The following RBFOX1 variants were observed in gnomAD, a reference collection of about 807,000 sequenced individuals.
RBFOX1 encodes RNA binding protein fox-1 homolog 1.
Under a neutral mutation model 57.7 loss-of-function variants are expected in RBFOX1, and 8 were observed. That is an observed-to-expected ratio of 0.14 (90% CI 0.08 to 0.25). The LOEUF is 0.25. Among genes scored for constraint, RBFOX1 ranks in the 10% least tolerant of loss-of-function variants. RBFOX1 has a pLI of 1.00. For synonymous variants in RBFOX1, 326 were observed against 222.4 expected (o/e 1.47, Z -4.15); for missense variants, 611 against 548.5 (o/e 1.11, Z -1.14).
chr16:6,689,244 G>T (rs1232117601), intron 3 of RBFOX1, among the ~76,000 whole-genome samples: 1 of 152,106 alleles, frequency 6.6e-6, no homozygotes, highest in Admixed American at 6.5e-5. Context: ...GGAAGTGGTT[G>T]CAGGATCCTG....
intron 4 of RBFOX1, among the ~76,000 whole-genome samples, chr16:7,281,587 G>C (rs1463706691): frequency 6.6e-6 from 1 of 152,052 alleles, no homozygotes; most frequent in South Asian, 2.1e-4. Context: ...ACAATATCTG[G>C]TGTTGGAAGT....
At chr16:6,005,628 T>A (rs74582198) in intron 4 of RBFOX1, among the ~76,000 whole-genome samples, 3,500 of 152,316 alleles carry the variant, frequency 0.023, 51 homozygotes, top group Middle Eastern at 0.041. Flanking sequence ...ACCCACTGGA[T>A]ACCACAAGCA....
intron 2 of RBFOX1, among the ~76,000 whole-genome samples, chr16:5,556,106 C>G (rs1359320901): frequency 2.0e-5 from 3 of 152,206 alleles, no homozygotes; most frequent in South Asian, 2.1e-4. Flanking sequence ...TGATTTATGC[C>G]TAAGCCAGCG....
At chr16:5,366,922 G>A (rs1567396668) in intron 1 of RBFOX1, among the ~76,000 whole-genome samples, 2 of 152,144 alleles carry the variant, frequency 1.3e-5, no homozygotes, top group Non-Finnish European at 2.9e-5. Context: ...GTTATGACAG[G>A]ACATAGTAAT....
At chr16:6,226,614 A>G (rs2097420481) in intron 1 of RBFOX1, among the ~76,000 whole-genome samples, 1 of 152,174 alleles carries the variant, frequency 6.6e-6, no homozygotes, top group South Asian at 2.1e-4. Flanking sequence ...TATGAAAGTC[A>G]AAAGAATTAC....
chr16:6,908,298 C>T (rs528347774), intron 3 of RBFOX1, among the ~76,000 whole-genome samples: 1 of 151,688 alleles, frequency 6.6e-6, no homozygotes, highest in African/African-American at 2.4e-5. Flanking sequence ...GCCTGCACCC[C>T]CAGCCTCTGA....
intron 1 of RBFOX1, among the ~76,000 whole-genome samples, chr16:5,416,468 GTGA>G (rs1263666135): frequency 6.6e-6 from 1 of 152,154 alleles, no homozygotes; most frequent in African/African-American, 2.4e-5. Flanking sequence ...TTGGGCAGAA[GTGA>G]TGATTTCCAA....
At chr16:7,708,999 GT>G (rs2083400157) in intron 14 of RBFOX1, 56 bp from the exon 15 acceptor site, 1 of 1,508,464 alleles carries the variant, frequency 6.6e-7, no homozygotes, top group Non-Finnish European at 9.2e-7. Flanking sequence ...TTTTATGATT[GT>G]TATTGTTTTG....
At chr16:7,087,432 G>A (rs930537249) in intron 4 of RBFOX1, among the ~76,000 whole-genome samples, 3 of 151,984 alleles carry the variant, frequency 2.0e-5, no homozygotes, top group Non-Finnish European at 2.9e-5. Flanking sequence ...TTTTGTTTTC[G>A]CCACTGTGGC....
At chr16:7,033,781 A>T (rs1405045758) in intron 3 of RBFOX1, among the ~76,000 whole-genome samples, 2 of 152,106 alleles carry the variant, frequency 1.3e-5, no homozygotes, top group African/African-American at 4.8e-5. Context: ...CAGCCTGAGT[A>T]ACATAGCAAA....
At chr16:6,429,582 C>T (rs970581554) in intron 2 of RBFOX1, among the ~76,000 whole-genome samples, 1 of 152,146 alleles carries the variant, frequency 6.6e-6, no homozygotes, top group Non-Finnish European at 1.5e-5. Context: ...CCACCCAAAT[C>T]TCATTTTGAA....
At chr16:5,288,874 C>T (rs1166532974) in intron 1 of RBFOX1, among the ~76,000 whole-genome samples, 4 of 124,662 alleles carry the variant, frequency 3.2e-5, no homozygotes, top group African/African-American at 5.4e-5. Flanking sequence ...CACCTGTAAT[C>T]CCAGTACTTT....
chr16:7,007,690 T>C (rs986374001), intron 3 of RBFOX1, among the ~76,000 whole-genome samples: 1 of 152,204 alleles, frequency 6.6e-6, no homozygotes, highest in African/African-American at 2.4e-5. Context: ...ATTTTGCATG[T>C]ACTTTTGCTG....
At position 7,042,025 on chromosome 16, in the gene RBFOX1, C is replaced by T. The variant is rs557820155; in HGVS notation, c.-15-10032C>T. 2.9e-4 allele frequency among the ~76,000 whole-genome samples: 44 copies of T among 152,262 alleles called. 1 individual carries two copies. The South Asian group carries it at 8.1e-3, about 28-fold the overall frequency. ...TTCCTTAGTCTGATTCCTTAACCTC[C>T]AGTCTCCATTGGGGAGAAAACTGGA... On this transcript the variant is annotated intron_variant, in intron 3 of 15. Transcript: ENST00000550418.
intron 2 of RBFOX1, among the ~76,000 whole-genome samples, chr16:6,485,117 TTAAG>T (rs1262219545): frequency 1.2e-4 from 18 of 152,296 alleles, no homozygotes; most frequent in African/African-American, 4.3e-4. Context: ...GGGTTGTTTG[TTAAG>T]TAAGTGAATG....
At position 5,538,494 on chromosome 16, in the gene RBFOX1, G is replaced by C. The variant is rs1382505680; in HGVS notation, c.259-60408G>C. Among the ~76,000 whole-genome samples the C allele has an allele frequency of 2.0e-5, 3 of 152,298 alleles. No homozygotes were observed. In the South Asian group the frequency reaches 6.2e-4, roughly 32 times the overall value. ...CATGTTTCAAGGATCAATAAACAAG[G>C]GTAACACTGGCTTGAGGTTGGACAG... On this transcript the variant is annotated intron_variant, in intron 2 of 2. Transcript: ENST00000585867.
intron 3 of RBFOX1, among the ~76,000 whole-genome samples, chr16:6,912,756 T>A (rs7195249): frequency 0.51 from 78,003 of 151,566 alleles, 20,323 homozygotes; most frequent in East Asian, 0.74. Context: ...TAGCTGGGAC[T>A]ATAGGCACAT....
At chr16:6,704,527 C>T (rs8061082) in intron 3 of RBFOX1, 39,922 of 152,136 alleles carry the variant, frequency 0.26, 6,253 homozygotes, top group East Asian at 0.64. Flanking sequence ...TTCTACACCC[C>T]CCTTGGGTCT....
intron 2 of RBFOX1, among the ~76,000 whole-genome samples, chr16:6,636,011 A>G (rs920792407): frequency 2.0e-5 from 3 of 152,168 alleles, no homozygotes; most frequent in African/African-American, 7.2e-5. Flanking sequence ...ACATAACCTG[A>G]AAGTACTTGT....
Sources: allele counts gnomAD v4.1 joint callset (sites outside exome capture counted in the v4.1 genomes callset), GRCh38; gene constraint gnomAD v4.1.1; transcripts MANE v1.5; gene names NCBI Gene and HGNC (gene_info 2026-07-23, HGNC 2026-07-21).